The following CCNI2 variants were observed in gnomAD, a reference collection of about 807,000 sequenced individuals.
CCNI2 encodes cyclin-I2.
CCNI2 carries 32 observed loss-of-function variants against 33.2 expected under a neutral mutation model. The ratio of observed to expected loss-of-function variants is 0.96; its 90% confidence interval spans 0.73 to 1.30. The LOEUF (loss-of-function observed/expected upper bound fraction) is 1.30. Ranked by LOEUF, CCNI2 falls within the 50% of genes most tolerant of loss-of-function variation. The pLI is 0.00. For missense variants in CCNI2, 452 were observed against 486.2 expected (o/e 0.93, Z 0.66); for synonymous variants, 231 against 219.9 (o/e 1.05, Z -0.45).
intron 3 of CCNI2, among the ~76,000 whole-genome samples, chr5:132,749,649 A>G (rs1405143297): frequency 6.6e-6 from 1 of 152,212 alleles, no homozygotes. Context: ...CCAAACCTAG[A>G]GACCTGAACT....
chr5:132,747,888 C>A lies in CCNI2; in HGVS notation c.393C>A (p.Asp131Glu). 1 of 1,413,048 alleles carries A rather than the reference C, an allele frequency of 7.1e-7. No individual in the cohort carries two copies. The allele number at this position is 1,413,048 out of a possible 1,614,324, so 87.5% of individuals were successfully genotyped here. The change falls in exon 1 of 6, where the codon GAC becomes GAA. Residue 131 changes from aspartate (D) to glutamate (E), a missense_variant. Physicochemically the swap from Asp to Glu is conservative, Grantham distance 45. Coordinates refer to ENST00000378731, the MANE Select transcript of CCNI2 (RefSeq NM_001039780.4). The surrounding 1 kb of genome is among the most constrained non-coding windows in gnomAD (Gnocchi z 4.1). ...TCTGCCACTTGCAGCTGGCCCAGGACCGCGAGGCGCGCCTGTGGCGGGGCG... is the reference window on the plus strand; with the variant it reads ...TCTGCCACTTGCAGCTGGCCCAGGAACGCGAGGCGCGCCTGTGGCGGGGCG... ...RLLCHLQLAQ[D>E]REARLWRGGK...
rs1455654914 is a variant in CCNI2 at position 132,748,422 on chromosome 5, T to C, written c.505T>C (p.Ser169Pro). ...TCAGAACACCTTTTACTTCTCCCAG[T>C]CCACTTTTAACCTGGCCCTCACCAT... is the stretch of plus-strand genomic sequence containing the variant. ...RLQNTFYFSQSTFNLALTIFG... is the reference protein window; with the variant it reads ...RLQNTFYFSQPTFNLALTIFG... The change falls in exon 2 of 6, where the codon TCC (serine) becomes CCC (proline). Residue 169 changes from serine to proline, a missense_variant. By Grantham distance (74) the Ser-to-Pro change is moderately conservative (BLOSUM62 -1). Transcript: ENST00000378731. The C allele has an allele frequency of 1.2e-6, 2 of 1,614,016 alleles. No individual in the cohort carries two copies. Among genetic ancestry groups the C allele is most frequent in the African/African-American group, 2.7e-5 (2 of 74,916 alleles).
rs1447409467 is a variant in CCNI2 at position 132,754,348 on chromosome 5, CTCCT to C, written c.*1386_*1389del. ...GTGGTGGCCGTTGAGTGCCCTCTGC[CTCCT>C]TCCTTCCAGTGTAAGTGGGACCACA... is the stretch of plus-strand genomic sequence containing the variant. On this transcript the variant is annotated 3_prime_UTR_variant, in exon 6 of 6. Coordinates refer to ENST00000378731, the MANE Select transcript of CCNI2 (RefSeq NM_001039780.4). 1.4e-6 allele frequency: 1 copy of C among 713,368 alleles called. No homozygotes were observed. The highest frequency in any genetic ancestry group is 2.6e-6 in the Non-Finnish European group (1 of 382,904). The allele number at this position is 713,368 out of a possible 1,614,324, so 44.2% of individuals were successfully genotyped here. A position where few individuals can be genotyped will look rare whatever the true frequency, so the allele number is the denominator to read the frequency against.
Position 132,748,455 on chromosome 5 carries a change from C to T in CCNI2, c.538C>T (p.Arg180Cys), listed in dbSNP as rs780401710. The change falls in exon 2 of 6, where the codon CGC (arginine) becomes TGC (cysteine). Residue 180 changes from arginine (R) to cysteine (C), a missense_variant. Physicochemically the swap from Arg to Cys is radical, Grantham distance 180 (BLOSUM62 -3). Transcript: ENST00000378731. ...TFNLALTIFGRLLISVKVKEK... is the reference protein window; with the variant it reads ...TFNLALTIFGCLLISVKVKEK... The stretch of plus-strand genomic sequence containing the variant: ...TAACCTGGCCCTCACCATCTTTGGC[C>T]GCCTCCTGATTTCAGTGAAGGTAGG... The T allele has an allele frequency of 2.5e-6, 4 of 1,614,152 alleles. No homozygotes were observed. Among genetic ancestry groups the T allele is most frequent in the Non-Finnish European group, 3.4e-6 (4 of 1,180,010 alleles).
At position 132,752,986 on chromosome 5, in the gene CCNI2, C is replaced by T. The variant is rs749173429; in HGVS notation, c.*16C>T. 3.1e-6 allele frequency: 5 copies of T among 1,596,992 alleles called. No individual in the cohort carries two copies. Among genetic ancestry groups the T allele is most frequent in the Non-Finnish European group, 4.3e-6 (5 of 1,164,844 alleles). On this transcript the variant is annotated 3_prime_UTR_variant, in exon 6 of 6. Coordinates refer to ENST00000378731, the MANE Select transcript of CCNI2 (RefSeq NM_001039780.4). Reference sequence around the variant, plus strand: ...TGCCAACTAGCCCCTCTGCCTCCACCCCGGGGCTTTCAGAGCATAGTGTGA... The same window carrying T: ...TGCCAACTAGCCCCTCTGCCTCCACTCCGGGGCTTTCAGAGCATAGTGTGA...
chr5:132,750,779 C>A, intron 3 of CCNI2, 78 bp from the exon 4 acceptor site: 2 of 1,463,000 alleles, frequency 1.4e-6, no homozygotes, highest in Non-Finnish European at 9.3e-7. Context: ...GTCATGAATG[C>A]CCAGTCCCCA....
At chr5:132,748,742 T>A (rs547405187) in intron 2 of CCNI2, among the ~76,000 whole-genome samples, 1 of 152,156 alleles carries the variant, frequency 6.6e-6, no homozygotes, top group South Asian at 2.1e-4. Flanking sequence ...AGGATGTGCT[T>A]GTCTCGACCT....
chr5:132,748,882 C>T (rs569279139), intron 2 of CCNI2, among the ~76,000 whole-genome samples: 2 of 152,242 alleles, frequency 1.3e-5, no homozygotes, highest in African/African-American at 2.4e-5. Flanking sequence ...GGAGCATCTT[C>T]GTTGGTCAGA....
At chr5:132,748,036 G>T in intron 1 of CCNI2, 112 bp downstream of exon 1, 1 of 1,177,278 alleles carries the variant, frequency 8.5e-7, no homozygotes, top group Non-Finnish European at 1.1e-6. Context: ...CCTTCCCCAG[G>T]TGTGGCCCCT....
rs1754676022 is a variant in CCNI2, at chr5:132,748,446, A to G, written c.529A>G (p.Ile177Val). 6.2e-7 allele frequency: 1 copy of G among 1,614,066 alleles called. No homozygotes were observed. The highest frequency in any genetic ancestry group is 8.5e-7 in the Non-Finnish European group (1 of 1,180,004). The change falls in exon 2 of 6, where the codon ATC (isoleucine) becomes GTC (valine). Residue 177 changes from isoleucine to valine, a missense_variant. Physicochemically the swap from Ile to Val is conservative, Grantham distance 29 (BLOSUM62 3). Coordinates refer to ENST00000378731, the MANE Select transcript of CCNI2 (RefSeq NM_001039780.4). ...GTCCACTTTTAACCTGGCCCTCACC[A>G]TCTTTGGCCGCCTCCTGATTTCAGT... is the stretch of plus-strand genomic sequence containing the variant. ...SQSTFNLALTIFGRLLISVKV... is the reference protein window; with the variant it reads ...SQSTFNLALTVFGRLLISVKV...
downstream of CCNI2, among the ~76,000 whole-genome samples, chr5:132,755,473 T>G (rs1437248949): frequency 1.3e-5 from 2 of 152,206 alleles, no homozygotes; most frequent in Non-Finnish European, 2.9e-5. Context: ...GGGTACAGAC[T>G]ACCAGCGTTC....
chr5:132,752,045 C>T lies in CCNI2; in HGVS notation c.854C>T (p.Ser285Phe). Residue 285 changes from serine (S) to phenylalanine (F), a missense_variant, in exon 5 of 6, where the codon TCC (serine) becomes TTC (phenylalanine). Coordinates refer to ENST00000378731, the MANE Select transcript of CCNI2 (RefSeq NM_001039780.4). ...PQRNPSLHVA[S>F]LTRQLQHCMA... ...AGGAATCCTTCCCTCCACGTCGCAT[C>T]CCTGACCAGGCAGCTGCAGCACTGT... 4 of 1,611,066 alleles carry T rather than the reference C, an allele frequency of 2.5e-6. No homozygotes were observed. In the South Asian group the frequency reaches 4.5e-5, roughly 18 times the overall value.
chr5:132,755,426 T>C (rs562013415), downstream of CCNI2, among the ~76,000 whole-genome samples: 4 of 152,300 alleles, frequency 2.6e-5, no homozygotes, highest in Admixed American at 2.0e-4. Context: ...CATCATTCCA[T>C]TGAGATGCCA....
rs751260318 is a variant in CCNI2, at chr5:132,747,495, C to T, written c.-1C>T. On this transcript the variant is annotated 5_prime_UTR_variant, in exon 1 of 6. Coordinates refer to ENST00000378731, the MANE Select transcript of CCNI2 (RefSeq NM_001039780.4). This position sits in a 1 kb window ranked among gnomAD's most constrained non-coding sequence, Gnocchi z 4.1. ...CTCAGACTCAGGATCCCGCTCACGA[C>T]ATGGCCTCGGGCGCTCAGCTCCCGC... 1 of 1,469,914 alleles carries T rather than the reference C, an allele frequency of 6.8e-7. No homozygotes were observed. The highest frequency in any genetic ancestry group is 1.3e-5 in the South Asian group (1 of 75,482). 91.1% of individuals were successfully genotyped at this position (1,469,914 alleles called of 1,614,324 possible).
In CCNI2 at chr5:132,751,994, C is replaced by A; in HGVS notation, c.803C>A (p.Pro268His). The A allele has an allele frequency of 6.2e-7, 1 of 1,611,986 alleles. No homozygotes were observed. Among genetic ancestry groups the A allele is most frequent in the African/African-American group, 1.3e-5 (1 of 74,970 alleles). ...IFHALVVLSW[P>H]HVLELLPQRN... ...CATGCCCTGGTGGTCCTGAGCTGGC[C>A]CCATGTGTTGGAGCTGCTGCCTCAG... is the stretch of plus-strand genomic sequence containing the variant. Residue 268 changes from proline to histidine, a missense_variant, in exon 5 of 6, where the codon CCC (proline) becomes CAC (histidine). Physicochemically the swap from Pro to His is moderately conservative, Grantham distance 77. Transcript: ENST00000378731.
Position 132,748,464 on chromosome 5 carries a change from A to C in CCNI2, c.547A>C (p.Ile183Leu). Reference protein sequence around the residue: ...LALTIFGRLLISVKVKEKYLH... With the variant: ...LALTIFGRLLLSVKVKEKYLH... ...CCTCACCATCTTTGGCCGCCTCCTG[A>C]TTTCAGTGAAGGTAGGGAGGCCTCT... Residue 183 changes from isoleucine (I) to leucine (L), a missense_variant, in exon 2 of 6, where the codon ATT (isoleucine) becomes CTT (leucine). Physicochemically the swap from Ile to Leu is conservative, Grantham distance 5. Coordinates refer to ENST00000378731, the MANE Select transcript of CCNI2 (RefSeq NM_001039780.4). 1 of 1,614,028 alleles carries C rather than the reference A, an allele frequency of 6.2e-7. No homozygotes were observed. The highest frequency in any genetic ancestry group is 1.6e-4 in the Middle Eastern group (1 of 6,062).
Position 132,753,796 on chromosome 5 carries a change from G to T in CCNI2, c.*826G>T, listed in dbSNP as rs919030817. 4.6e-5 allele frequency: 7 copies of T among 152,314 alleles called. No individual in the cohort carries two copies. Among genetic ancestry groups the T allele is most frequent in the African/African-American group, 1.7e-4 (7 of 41,426 alleles). The allele number at this position is 152,314 out of a possible 1,614,324, so 9.4% of individuals were successfully genotyped here. ...CACAGTGCTGCCAGGAGGAGGAGCC[G>T]GCTGCCTCTCTCATGCTGTGCTACC... On this transcript the variant is annotated 3_prime_UTR_variant, in exon 6 of 6. Transcript: ENST00000378731.
At chr5:132,755,257 C>A (rs546292683), downstream of CCNI2, among the ~76,000 whole-genome samples, 22 of 152,292 alleles carry the variant, frequency 1.4e-4, no homozygotes, top group African/African-American at 5.3e-4. Context: ...AAAAAACAAA[C>A]CCACATACTT....
Position 132,747,849 on chromosome 5 carries a change from C to T in CCNI2, c.354C>T (p.Asp118=), listed in dbSNP as rs890476605. ...RKPRNLEGDL[D]ERRLLCHLQL... is the part of the protein sequence containing the mutation. ...CGCGCAACCTGGAAGGCGACCTGGACGAGCGCCGGCTGCTCTGCCACTTGC... is the reference window on the plus strand; with the variant it reads ...CGCGCAACCTGGAAGGCGACCTGGATGAGCGCCGGCTGCTCTGCCACTTGC... Residue 118 remains aspartate (D), a synonymous_variant, in exon 1 of 6, where the codon GAC becomes GAT. Transcript: ENST00000378731. This position sits in a 1 kb window ranked among gnomAD's most constrained non-coding sequence, Gnocchi z 4.1. 2.7e-6 allele frequency: 4 copies of T among 1,472,472 alleles called. No homozygotes were observed. The highest frequency in any genetic ancestry group is 4.9e-5 in the Admixed American group (2 of 41,160). 91.2% of individuals were successfully genotyped at this position (1,472,472 alleles called of 1,614,324 possible).
Sources: allele counts gnomAD v4.1 joint callset (sites outside exome capture counted in the v4.1 genomes callset), GRCh38; gene constraint gnomAD v4.1.1; non-coding constraint Gnocchi (gnomAD v3.1); transcripts MANE v1.5; gene names NCBI Gene and HGNC (gene_info 2026-07-23, HGNC 2026-07-21).